THNSL1: variants seen among roughly 807,000 people sequenced by gnomAD.
The protein encoded by THNSL1 is threonine synthase like 1.
THNSL1 carries 48 observed loss-of-function variants against 50.4 expected under a neutral mutation model. That is an observed-to-expected ratio of 0.95 (90% CI 0.76 to 1.21). The LOEUF is 1.21. Among genes scored for constraint, THNSL1 ranks in the 50% most tolerant of loss-of-function variants. The pLI is 0.00. For synonymous variants in THNSL1, 309 were observed against 306.1 expected, an observed-to-expected ratio of 1.01 and a Z score of -0.10; for missense variants, 896 against 871.7, an observed-to-expected ratio of 1.03 and a Z score of -0.35.
Position 25,023,247 on chromosome 10 carries a change from TCATCTG to T in THNSL1, c.25_30del (p.His9_Leu10del). 2 of 1,612,598 alleles carry T rather than the reference TCATCTG, an allele frequency of 1.2e-6. No homozygotes were observed. On this transcript the variant is annotated inframe_deletion, in exon 3 of 3. Transcript: ENST00000376356. The stretch of plus-strand genomic sequence containing the variant: ...GAATGCTCCACTTTAACCGATGTCA[TCATCTG>T]AAAAAGATAACACAGAAATGTTTTT...
chr10:24,966,348 C>A, the THNSL1 span, among the ~76,000 whole-genome samples: 1 of 152,212 alleles, frequency 6.6e-6, no homozygotes, highest in East Asian at 1.9e-4. Context: ...GTACATGCAA[C>A]CTTCTCATTA....
At chr10:24,952,570 G>A in the THNSL1 span, 2 of 1,590,606 alleles carry the variant, frequency 1.3e-6, no homozygotes, top group Non-Finnish European at 1.7e-6. The surrounding 1 kb of genome is among the most constrained non-coding windows in gnomAD (Gnocchi z 5.1). Context: ...CGCTGCTCCC[G>A]GCCATGTTTC....
Position 25,025,183 on chromosome 10 carries a change from C to T in THNSL1, c.1960C>T (p.Gln654Ter), listed in dbSNP as rs1256015286. The T allele has an allele frequency of 3.1e-6, 5 of 1,614,154 alleles. No homozygotes were observed. The highest frequency in any genetic ancestry group is 4.2e-6 in the Non-Finnish European group (5 of 1,180,036). The change falls in exon 3 of 3, where the codon CAA (glutamine) becomes TAA (stop). Residue 654 changes from glutamine (Q) to a stop codon, truncating the protein, a stop_gained. Coordinates refer to ENST00000376356, the MANE Select transcript of THNSL1 (RefSeq NM_024838.5). LOFTEE classifies it high-confidence loss of function. Reference sequence around the variant, plus strand: ...TGCAAAAGTGGTTGCAGATAGGGTGCAAGACAAAACTTGCCCTGTGATTAT... The same window carrying T: ...TGCAAAAGTGGTTGCAGATAGGGTGTAAGACAAAACTTGCCCTGTGATTAT... The part of the protein sequence containing the change: ...AVAKVVADRV[Q>*]DKTCPVIISS...
chr10:24,979,441 T>A, the THNSL1 span, among the ~76,000 whole-genome samples: 2 of 152,232 alleles, frequency 1.3e-5, no homozygotes, highest in Non-Finnish European at 2.9e-5. Context: ...GTGTTGAGAA[T>A]GTCATTCCCA....
chr10:25,025,518 A>G lies in THNSL1; in HGVS notation c.*63A>G, dbSNP rs1850832923. 6.9e-7 allele frequency: 1 copy of G among 1,455,190 alleles called. No individual in the cohort carries two copies. The highest frequency in any genetic ancestry group is 9.3e-7 in the Non-Finnish European group (1 of 1,073,654). 90.1% of individuals were successfully genotyped at this position (1,455,190 alleles called of 1,614,324 possible). The stretch of plus-strand genomic sequence containing the variant: ...ATGCAATAATAAATCTCAAACACTG[A>G]TTTGGAGTACAGTAGCATTTTGTCT... On this transcript the variant is annotated 3_prime_UTR_variant, in exon 3 of 3. Transcript: ENST00000376356.
At position 25,024,085 on chromosome 10, in the gene THNSL1, T is replaced by A; in HGVS notation, c.862T>A (p.Tyr288Asn). 1 of 1,614,172 alleles carries A rather than the reference T, an allele frequency of 6.2e-7. No homozygotes were observed. Residue 288 changes from tyrosine (Y) to asparagine (N), a missense_variant, in exon 3 of 3, where the codon TAC (tyrosine) becomes AAC (asparagine). Physicochemically the swap from Tyr to Asn is moderately radical, Grantham distance 143. Transcript: ENST00000376356. Reference sequence around the variant, plus strand: ...GTGGAAAAGCCTAGTAGGAGCAACCTACGTAGAAAGAGCACAGATACTGTT... The same window carrying A: ...GTGGAAAAGCCTAGTAGGAGCAACCAACGTAGAAAGAGCACAGATACTGTT... ...GEWKSLVGAT[Y>N]VERAQILLER...
upstream of THNSL1, chr10:25,015,859 C>T (rs1850556958): frequency 1.2e-6 from 2 of 1,603,324 alleles, no homozygotes; most frequent in Non-Finnish European, 1.7e-6. Context: ...TATCCACATA[C>T]CTAGGAGGCT....
In THNSL1 at chr10:25,023,697, A is replaced by C. The variant is rs754267302; in HGVS notation, c.474A>C (p.Leu158=). ...TAATTGTATACCTGGATGTACCTCTACTAGATCTAATTTGTCGTCTAAAAT... is the reference window on the plus strand; with the variant it reads ...TAATTGTATACCTGGATGTACCTCTCCTAGATCTAATTTGTCGTCTAAAAT... The part of the protein sequence containing the change: ...NGIIVYLDVP[L]LDLICRLKLM... The change falls in exon 3 of 3, where the codon CTA becomes CTC. Residue 158 remains leucine (L), a synonymous_variant. Coordinates refer to ENST00000376356, the MANE Select transcript of THNSL1 (RefSeq NM_024838.5). 1.2e-6 allele frequency: 2 copies of C among 1,614,016 alleles called. No individual in the cohort carries two copies. Among genetic ancestry groups the C allele is most frequent in the East Asian group, 4.5e-5 (2 of 44,872 alleles).
upstream of THNSL1, among the ~76,000 whole-genome samples, chr10:25,011,969 T>G (rs1448763324): frequency 2.0e-5 from 3 of 151,840 alleles, no homozygotes; most frequent in African/African-American, 7.3e-5. Flanking sequence ...GGAGAAAAAA[T>G]GGTTTCATGG....
At chr10:25,020,238 A>ATATGTCTATATCTATATCTATATC (rs1850689831) in intron 1 of THNSL1, among the ~76,000 whole-genome samples, 1 of 126,564 alleles carries the variant, frequency 7.9e-6, no homozygotes, top group African/African-American at 2.6e-5. Flanking sequence ...TTTCTTTAAA[A>ATATGTCTATATCTATATCTATATC]TATATCTATA....
At chr10:24,996,663 A>G in the THNSL1 span, among the ~76,000 whole-genome samples, 2 of 152,180 alleles carry the variant, frequency 1.3e-5, no homozygotes, top group Non-Finnish European at 2.9e-5. Context: ...TTCCAATTTT[A>G]ACCCCATCAC....
At chr10:24,965,438 A>T in the THNSL1 span, among the ~76,000 whole-genome samples, 1 of 152,164 alleles carries the variant, frequency 6.6e-6, no homozygotes, top group Non-Finnish European at 1.5e-5. Context: ...CTAAAGAGAG[A>T]TTATGCAAAC....
chr10:24,998,345 CCCTT>C, the THNSL1 span, among the ~76,000 whole-genome samples: 1 of 132,828 alleles, frequency 7.5e-6, no homozygotes, highest in Non-Finnish European at 1.6e-5. Flanking sequence ...CTCTCTCCCT[CCCTT>C]CCTTCCTTCC....
chr10:24,975,582 T>G, the THNSL1 span, among the ~76,000 whole-genome samples: 1 of 152,178 alleles, frequency 6.6e-6, no homozygotes, highest in Non-Finnish European at 1.5e-5. Flanking sequence ...GTTCTCATGA[T>G]AGTGAGTTCT....
chr10:24,964,623 T>C, the THNSL1 span, among the ~76,000 whole-genome samples: 2 of 152,252 alleles, frequency 1.3e-5, no homozygotes, highest in African/African-American at 4.8e-5. Flanking sequence ...GATTCATTGA[T>C]ATTACTTCCA....
At chr10:24,995,566 G>A in the THNSL1 span, 1 of 1,247,576 alleles carries the variant, frequency 8.0e-7, no homozygotes, top group Non-Finnish European at 1.1e-6. Context: ...CACTAATAAT[G>A]ATAACATAGA....
At chr10:25,019,726 C>G (rs1420437660) in intron 1 of THNSL1, among the ~76,000 whole-genome samples, 1 of 152,220 alleles carries the variant, frequency 6.6e-6, no homozygotes, top group East Asian at 1.9e-4. Context: ...TCCAATATCC[C>G]TCTCAATGCT....
At chr10:24,966,889 C>A in the THNSL1 span, among the ~76,000 whole-genome samples, 1 of 152,042 alleles carries the variant, frequency 6.6e-6, no homozygotes, top group Non-Finnish European at 1.5e-5. Context: ...TAACGCAGAC[C>A]CTAGTAAGAA....
At chr10:24,968,250 T>C in the THNSL1 span, among the ~76,000 whole-genome samples, 2 of 152,284 alleles carry the variant, frequency 1.3e-5, no homozygotes, top group South Asian at 4.2e-4. Context: ...GTTGCCTTTT[T>C]CCTTTGTCTC....
Sources: gnomAD v4.1 joint callset for allele counts (sites outside exome capture counted in the v4.1 genomes callset) on GRCh38, gnomAD v4.1.1 for gene constraint, Gnocchi (gnomAD v3.1) non-coding constraint, MANE v1.5 for transcripts, NCBI Gene and HGNC (gene_info 2026-07-23, HGNC 2026-07-21) for gene names.